The following MYO3A variants were observed in gnomAD, a reference collection of about 807,000 sequenced individuals.
MYO3A encodes the protein myosin IIIA.
Under a neutral mutation model 192.7 loss-of-function variants are expected in MYO3A, and 180 were observed. That is an observed-to-expected ratio of 0.93 (90% CI 0.83 to 1.06). The LOEUF is 1.06. Ranked by LOEUF, MYO3A falls within the 50% of genes least tolerant of loss-of-function variation. MYO3A has a pLI of 0.00. For missense variants in MYO3A, 1,896 were observed against 1,905.0 expected, an observed-to-expected ratio of 1.00 and a Z score of 0.09; for synonymous variants, 628 against 645.3, an observed-to-expected ratio of 0.97 and a Z score of 0.41.
chr10:26,044,771 G>A (rs1843542288), intron 10 of MYO3A, among the ~76,000 whole-genome samples: 1 of 151,642 alleles, frequency 6.6e-6, no homozygotes, highest in East Asian at 1.9e-4. Context: ...GGAAGGGTGG[G>A]GCTACAAGTA....
chr10:26,122,857 CT>C (rs1564570878), intron 18 of MYO3A, among the ~76,000 whole-genome samples: 12 of 152,042 alleles, frequency 7.9e-5, no homozygotes. Flanking sequence ...GGTAAAATGC[CT>C]AGCATGTAGT....
intron 6 of MYO3A, among the ~76,000 whole-genome samples, chr10:25,999,788 T>C (rs564334071): frequency 6.6e-6 from 1 of 152,282 alleles, no homozygotes; most frequent in Admixed American, 6.5e-5. Context: ...GAGTTTCTTG[T>C]CTTAGAAAGT....
At chr10:26,149,755 A>T (rs535191251) in intron 23 of MYO3A, among the ~76,000 whole-genome samples, 1 of 152,262 alleles carries the variant, frequency 6.6e-6, no homozygotes, top group African/African-American at 2.4e-5. Context: ...TTGTGGTGAG[A>T]ACACTTAAAA....
Position 26,151,365 on chromosome 10 carries a change from A to G in MYO3A, c.2636-2485A>G, listed in dbSNP as rs115500036. ...AAGCTATATTATTAGGTAAATAAAC[A>G]TTTAAAATTGTTATGTCTTCTTGAT... is the stretch of plus-strand genomic sequence containing the variant. On this transcript the variant is annotated intron_variant, in intron 23 of 34. Coordinates refer to ENST00000642920, the MANE Select transcript of MYO3A (RefSeq NM_017433.5). Among the ~76,000 whole-genome samples the G allele has an allele frequency of 8.9e-3, 1,358 of 152,190 alleles. 17 individuals are homozygous for G. The highest frequency in any genetic ancestry group is 0.029 in the African/African-American group (1,200 of 41,510).
intron 14 of MYO3A, among the ~76,000 whole-genome samples, chr10:26,072,234 G>A (rs1835250936): frequency 6.6e-6 from 1 of 152,144 alleles, no homozygotes; most frequent in Admixed American, 6.5e-5. Context: ...CTAGACACGT[G>A]GGGATTACAA....
chr10:26,065,656 A>G (rs1326764563), intron 10 of MYO3A, among the ~76,000 whole-genome samples: 1 of 151,918 alleles, frequency 6.6e-6, no homozygotes, highest in Non-Finnish European at 1.5e-5. Flanking sequence ...AAAGCAAAGA[A>G]ATAGAACAGC....
At chr10:26,191,777 T>C (rs1843143171) in intron 31 of MYO3A, among the ~76,000 whole-genome samples, 1 of 152,256 alleles carries the variant, frequency 6.6e-6, no homozygotes, top group African/African-American at 2.4e-5. Context: ...GAAGCTGATT[T>C]ACACTTGCCA....
At position 26,128,435 on chromosome 10, in the gene MYO3A, G is replaced by A; in HGVS notation, c.2159G>A (p.Gly720Asp). ...ELSIGILDIF[G>D]FENFKKNSFE... ...AGCATTGGCATTCTTGATATATTTG[G>A]CTTTGAAAATTTCAAAAAAAATTCC... The change falls in exon 20 of 35, where the codon GGC (glycine) becomes GAC (aspartate). Residue 720 changes from glycine (G) to aspartate (D), a missense_variant. Coordinates refer to ENST00000642920, the MANE Select transcript of MYO3A (RefSeq NM_017433.5). The A allele has an allele frequency of 6.2e-7, 1 of 1,612,852 alleles. No individual in the cohort carries two copies. Among genetic ancestry groups the A allele is most frequent in the Non-Finnish European group, 8.5e-7 (1 of 1,179,122 alleles).
chr10:26,110,703 C>T (rs1046483997), intron 17 of MYO3A, among the ~76,000 whole-genome samples: 7 of 151,982 alleles, frequency 4.6e-5, no homozygotes, highest in Non-Finnish European at 8.8e-5. Flanking sequence ...AGTGTGCATA[C>T]CCTTGTACAT....
intron 32 of MYO3A, among the ~76,000 whole-genome samples, chr10:26,195,568 A>G (rs981594718): frequency 6.6e-6 from 1 of 152,192 alleles, no homozygotes; most frequent in Admixed American, 6.5e-5. Context: ...TCACCTTTCC[A>G]GCCTCTGTGC....
At chr10:26,103,375 C>T (rs1434766817) in intron 17 of MYO3A, among the ~76,000 whole-genome samples, 4 of 152,120 alleles carry the variant, frequency 2.6e-5, no homozygotes, top group Non-Finnish European at 4.4e-5. Flanking sequence ...GCTCACACTC[C>T]GTGGGCTGCA....
intron 17 of MYO3A, among the ~76,000 whole-genome samples, chr10:26,110,905 C>T (rs574145082): frequency 2.1e-5 from 3 of 146,006 alleles, no homozygotes; most frequent in South Asian, 2.1e-4. Flanking sequence ...GGATCTCTCT[C>T]TGTTGCCCAG....
intron 10 of MYO3A, among the ~76,000 whole-genome samples, chr10:26,063,503 A>C (rs1032000659): frequency 6.6e-6 from 1 of 152,202 alleles, no homozygotes; most frequent in East Asian, 1.9e-4. Context: ...GTCTTGAGTC[A>C]CTTTTTTTTG....
chr10:25,980,944 C>T (rs2130794911), intron 4 of MYO3A, among the ~76,000 whole-genome samples: 1 of 152,236 alleles, frequency 6.6e-6, no homozygotes, highest in South Asian at 2.1e-4. Context: ...TCAATCATTA[C>T]AGTATCGCAT....
rs777040341 is a variant in MYO3A, at chr10:26,125,451, C to T, written c.1957C>T (p.His653Tyr). The T allele has an allele frequency of 2.5e-6, 4 of 1,614,014 alleles. No individual in the cohort carries two copies. The highest frequency in any genetic ancestry group is 3.3e-5 in the Admixed American group (2 of 60,012). The change falls in exon 19 of 35, where the codon CAC becomes TAC. Residue 653 changes from histidine to tyrosine, a missense_variant. Physicochemically the swap from His to Tyr is moderately conservative, Grantham distance 83. Coordinates refer to ENST00000642920, the MANE Select transcript of MYO3A (RefSeq NM_017433.5). Reference protein sequence around the residue: ...ADELQEALTSHCVVTRGETII... With the variant: ...ADELQEALTSYCVVTRGETII... ...TGAGCTACAAGAAGCTCTCACCTCC[C>T]ACTGTGTGGTCACTAGAGGAGAAAC...
rs771762719 is a variant in MYO3A at position 26,143,513 on chromosome 10, A to G, written c.2328A>G (p.Leu776=). ...AATATGAGGATAACTGGCCCCTCTTAGATATGTTTCTGCAAAAGCCAATGG... is the reference window on the plus strand; with the variant it reads ...AATATGAGGATAACTGGCCCCTCTTGGATATGTTTCTGCAAAAGCCAATGG... ...VIEYEDNWPL[L]DMFLQKPMGL... is the part of the protein sequence containing the mutation. Residue 776 remains leucine, a synonymous_variant, in exon 21 of 35, where the codon TTA becomes TTG. Transcript: ENST00000642920. The G allele has an allele frequency of 6.2e-7, 1 of 1,613,724 alleles. No homozygotes were observed. Among genetic ancestry groups the G allele is most frequent in the Non-Finnish European group, 8.5e-7 (1 of 1,179,680 alleles).
chr10:26,017,001 AAC>A, intron 7 of MYO3A, 105 bp downstream of exon 7: 4 of 1,206,144 alleles, frequency 3.3e-6, no homozygotes, highest in Non-Finnish European at 4.9e-6. Context: ...TAACAGAAGA[AAC>A]TCTCAGTTGT....
chr10:26,004,919 C>T (rs186341071), intron 6 of MYO3A, among the ~76,000 whole-genome samples: 1 of 152,078 alleles, frequency 6.6e-6, no homozygotes, highest in African/African-American at 2.4e-5. Context: ...TAGAAGAAAT[C>T]GTGTAATTTT....
chr10:26,071,426 A>T (rs1222331234), intron 14 of MYO3A, among the ~76,000 whole-genome samples: 1 of 152,230 alleles, frequency 6.6e-6, no homozygotes, highest in Non-Finnish European at 1.5e-5. Context: ...CAAAAGCCAT[A>T]AAATTTCTAC....
Sources: gnomAD v4.1 joint callset for allele counts (sites outside exome capture counted in the v4.1 genomes callset) on GRCh38, gnomAD v4.1.1 for gene constraint, MANE v1.5 for transcripts, NCBI Gene and HGNC (gene_info 2026-07-23, HGNC 2026-07-21) for gene names.